SLC9A9: variants seen among roughly 807,000 people sequenced by gnomAD.
The protein encoded by SLC9A9 is solute carrier family 9 member A9, also known as sodium/hydrogen exchanger 9.
SLC9A9 carries 62 observed loss-of-function variants against 77.8 expected under a neutral mutation model. That is an observed-to-expected ratio of 0.80 (90% CI 0.65 to 0.98). The LOEUF (loss-of-function observed/expected upper bound fraction) is 0.98. SLC9A9 is among the 50% of genes least tolerant of loss of function. The pLI, the probability that SLC9A9 is intolerant of heterozygous loss-of-function variation, is 0.00. For missense variants in SLC9A9, 775 were observed against 774.9 expected (o/e 1.00, Z 0.00); for synonymous variants, 320 against 283.5 (o/e 1.13, Z -1.29).
At chr3:143,358,211 G>A (rs115460117) in intron 14 of SLC9A9, among the ~76,000 whole-genome samples, 1,626 of 152,238 alleles carry the variant, frequency 0.011, 16 homozygotes, top group Middle Eastern at 0.027. Flanking sequence ...AGACTCTTAA[G>A]AATGGGAAAT....
chr3:143,566,358 T>C (rs545647688), intron 8 of SLC9A9, among the ~76,000 whole-genome samples: 2 of 152,292 alleles, frequency 1.3e-5, no homozygotes, highest in East Asian at 3.9e-4. Context: ...GATTTAACTG[T>C]TTGTGTTGTA....
chr3:143,612,152 A>G (rs769500939), intron 6 of SLC9A9, among the ~76,000 whole-genome samples: 5 of 152,218 alleles, frequency 3.3e-5, no homozygotes, highest in Admixed American at 2.0e-4. Context: ...GGGTCTCTAC[A>G]GAGAGGCGTT....
At chr3:143,428,274 T>TTCTGAATAGACAC (rs1294911640) in intron 12 of SLC9A9, among the ~76,000 whole-genome samples, 1 of 152,126 alleles carries the variant, frequency 6.6e-6, no homozygotes, top group Non-Finnish European at 1.5e-5. Flanking sequence ...TGAATAGACA[T>TTCTGAATAGACAC]TCTGAATAGA....
At chr3:143,315,832 G>A (rs996301277) in intron 14 of SLC9A9, among the ~76,000 whole-genome samples, 7 of 152,330 alleles carry the variant, frequency 4.6e-5, no homozygotes, top group Admixed American at 1.3e-4. Context: ...TTGTGGAATG[G>A]TGGCACGAAC....
chr3:143,731,225 G>A (rs932674304), intron 4 of SLC9A9, among the ~76,000 whole-genome samples: 1 of 152,228 alleles, frequency 6.6e-6, no homozygotes, highest in African/African-American at 2.4e-5. Flanking sequence ...AACCATGTGT[G>A]TAACAGGTGA....
In SLC9A9 at chr3:143,700,103, C is replaced by T. The variant is rs151169187; in HGVS notation, c.534-6796G>A. 1.4e-4 allele frequency among the ~76,000 whole-genome samples: 22 copies of T among 151,978 alleles called. No homozygotes were observed. The East Asian group carries it at 4.3e-3, about 29-fold the overall frequency. On this transcript the variant is annotated intron_variant, in intron 4 of 15. Transcript: ENST00000316549. ...CCCTGGGCCAGAAGGGAACCCACTG[C>T]CTTAAAGGGAAGGGCACAGTACTGG...
At chr3:143,423,849 GATGGC>G (rs1305853971) in intron 12 of SLC9A9, among the ~76,000 whole-genome samples, 3 of 152,216 alleles carry the variant, frequency 2.0e-5, no homozygotes, top group Non-Finnish European at 2.9e-5. Context: ...CGTGCCAACT[GATGGC>G]ATGTGACAAG....
intron 5 of SLC9A9, among the ~76,000 whole-genome samples, chr3:143,673,634 A>T (rs561142182): frequency 1.3e-5 from 2 of 151,990 alleles, no homozygotes; most frequent in Non-Finnish European, 2.9e-5. Context: ...ATTGTTAATT[A>T]ATAATATTAA....
intron 4 of SLC9A9, among the ~76,000 whole-genome samples, chr3:143,760,997 C>T (rs150237164): frequency 0.025 from 3,743 of 152,152 alleles, 144 homozygotes; most frequent in African/African-American, 0.081. Context: ...AACAGAGACA[C>T]AGACCAATGG....
chr3:143,793,305 G>A (rs888841268), intron 4 of SLC9A9, among the ~76,000 whole-genome samples: 1 of 152,032 alleles, frequency 6.6e-6, no homozygotes, highest in African/African-American at 2.4e-5. Context: ...GATATTGAAA[G>A]ATCTAAGAAA....
intron 8 of SLC9A9, among the ~76,000 whole-genome samples, chr3:143,566,831 T>C (rs2037177363): frequency 6.6e-6 from 1 of 152,048 alleles, no homozygotes; most frequent in Non-Finnish European, 1.5e-5. Flanking sequence ...TCCCTGAAAG[T>C]TTGCTTCTGG....
intron 9 of SLC9A9, among the ~76,000 whole-genome samples, chr3:143,519,432 C>T (rs62269770): frequency 0.17 from 25,620 of 151,898 alleles, 2,518 homozygotes; most frequent in South Asian, 0.29. Context: ...AAGGTTGGAG[C>T]AAGAAGTAGA....
chr3:143,698,552 G>T (rs1933704384), intron 4 of SLC9A9, among the ~76,000 whole-genome samples: 1 of 152,052 alleles, frequency 6.6e-6, no homozygotes, highest in South Asian at 2.1e-4. Context: ...TCATGAGGTA[G>T]TTTCACACTA....
At chr3:143,350,365 T>C (rs2032414867) in intron 14 of SLC9A9, among the ~76,000 whole-genome samples, 1 of 152,224 alleles carries the variant, frequency 6.6e-6, no homozygotes, top group Non-Finnish European at 1.5e-5. Context: ...AACAAGACTA[T>C]GTCACTCTTA....
chr3:143,480,927 A>G (rs140379692), intron 11 of SLC9A9, among the ~76,000 whole-genome samples: 1 of 152,282 alleles, frequency 6.6e-6, no homozygotes, highest in Non-Finnish European at 1.5e-5. Context: ...AAGGAAAGAA[A>G]AGTCCAGCTT....
At chr3:143,753,946 C>T (rs908231000) in intron 4 of SLC9A9, among the ~76,000 whole-genome samples, 15 of 152,158 alleles carry the variant, frequency 9.9e-5, no homozygotes, top group African/African-American at 2.2e-4. Context: ...CCACAGGGGA[C>T]GGACCAAAAA....
chr3:143,380,836 C>A (rs935213546), intron 13 of SLC9A9, among the ~76,000 whole-genome samples: 7 of 152,236 alleles, frequency 4.6e-5, no homozygotes, highest in Admixed American at 4.6e-4. Context: ...GCCAGGAAAG[C>A]AGTGTCTTGC....
At chr3:143,315,962 G>A (rs184451312) in intron 14 of SLC9A9, among the ~76,000 whole-genome samples, 155 of 152,304 alleles carry the variant, frequency 1.0e-3, no homozygotes, top group African/African-American at 3.5e-3. Context: ...GAAGCAGAGC[G>A]GGGAGATGGT....
chr3:143,718,356 GA>G (rs543345773), intron 4 of SLC9A9, among the ~76,000 whole-genome samples: 245 of 152,252 alleles, frequency 1.6e-3, no homozygotes, highest in Middle Eastern at 3.4e-3. Flanking sequence ...AAACTCAGGG[GA>G]AAATGTTTTC....
Sources: gnomAD v4.1 joint callset for allele counts (sites outside exome capture counted in the v4.1 genomes callset) on GRCh38, gnomAD v4.1.1 for gene constraint, MANE v1.5 for transcripts, NCBI Gene and HGNC (gene_info 2026-07-23, HGNC 2026-07-21) for gene names.